The following GPATCH2 variants were observed in gnomAD, a reference collection of about 807,000 sequenced individuals.
GPATCH2 encodes G patch domain-containing protein 2.
GPATCH2 carries 51 observed loss-of-function variants against 58.0 expected under a neutral mutation model. The ratio of observed to expected loss-of-function variants is 0.88; its 90% CI spans 0.70 to 1.11. The LOEUF (loss-of-function observed/expected upper bound fraction) is 1.11, where lower values mean the gene tolerates loss of function less well. Among genes scored for constraint, GPATCH2 ranks in the 50% most tolerant of loss-of-function variants. The pLI is 0.00. For synonymous variants in GPATCH2, 222 were observed against 218.5 expected (o/e 1.02, Z -0.14); for missense variants, 625 against 652.2 (o/e 0.96, Z 0.45).
rs142760502 is a variant in GPATCH2 at position 217,563,143 on chromosome 1, C to T, written c.1098+47178G>A. Among the ~76,000 whole-genome samples, 1,137 of 152,318 alleles carry T rather than the reference C, an allele frequency of 7.5e-3. 6 individuals carry two copies. The highest frequency in any genetic ancestry group is 0.011 in the Non-Finnish European group (758 of 68,028). On this transcript the variant is annotated intron_variant, in intron 5 of 9. Transcript: ENST00000366935. ...ATCCGTTCCTACTAGCCTAGCTTAA[C>T]ATCCCTAGCTTGAATTCCTTTGCAG... is the stretch of plus-strand genomic sequence containing the variant.
At chr1:217,436,938 G>A (rs969329330) in intron 9 of GPATCH2, among the ~76,000 whole-genome samples, 17 of 152,182 alleles carry the variant, frequency 1.1e-4, no homozygotes, top group Middle Eastern at 3.4e-3. Context: ...GGGAGTTGCC[G>A]GCAAGATGGC....
intron 5 of GPATCH2, among the ~76,000 whole-genome samples, chr1:217,572,878 G>C (rs1189038117): frequency 6.6e-6 from 1 of 152,200 alleles, no homozygotes; most frequent in Non-Finnish European, 1.5e-5. Context: ...AGGGTTAATA[G>C]TGAAAATATA....
intron 5 of GPATCH2, among the ~76,000 whole-genome samples, chr1:217,574,397 G>A (rs997796023): frequency 6.6e-6 from 1 of 152,070 alleles, no homozygotes; most frequent in Non-Finnish European, 1.5e-5. Flanking sequence ...AGTTGACTAG[G>A]AATCTCCTAG....
At chr1:217,481,852 C>T (rs1183613189) in intron 8 of GPATCH2, among the ~76,000 whole-genome samples, 1 of 151,950 alleles carries the variant, frequency 6.6e-6, no homozygotes, top group Non-Finnish European at 1.5e-5. Flanking sequence ...CAGAGTGAGA[C>T]CCTGCCTCAA....
At chr1:217,606,878 C>CA (rs1431890289) in intron 5 of GPATCH2, among the ~76,000 whole-genome samples, 1 of 152,040 alleles carries the variant, frequency 6.6e-6, no homozygotes, top group Non-Finnish European at 1.5e-5. Context: ...ATATATTATG[C>CA]ACCAGAGATG....
intron 5 of GPATCH2, among the ~76,000 whole-genome samples, chr1:217,571,876 G>T (rs545751195): frequency 7.5e-4 from 113 of 151,450 alleles, no homozygotes; most frequent in Non-Finnish European, 1.0e-3. Context: ...ACTCCAGCCT[G>T]GGCCACAAGA....
At chr1:217,448,891 T>G (rs1461748405) in intron 9 of GPATCH2, among the ~76,000 whole-genome samples, 1 of 152,210 alleles carries the variant, frequency 6.6e-6, no homozygotes, top group Non-Finnish European at 1.5e-5. Flanking sequence ...CTTTTTGAAT[T>G]TATTACTATT....
chr1:217,592,316 T>C (rs1030735118), intron 5 of GPATCH2, among the ~76,000 whole-genome samples: 1 of 152,020 alleles, frequency 6.6e-6, no homozygotes, highest in Non-Finnish European at 1.5e-5. Flanking sequence ...TCAAAAAGTA[T>C]AGGCTTAACA....
chr1:217,514,987 A>G (rs548127747), intron 5 of GPATCH2, 98 bp from the exon 6 acceptor site: 1 of 678,238 alleles, frequency 1.5e-6, no homozygotes, highest in Non-Finnish European at 2.7e-6. Context: ...TCACTCTAAA[A>G]TGGAGAATAC....
chr1:217,562,222 G>T (rs1665964622), intron 5 of GPATCH2, among the ~76,000 whole-genome samples: 1 of 152,120 alleles, frequency 6.6e-6, no homozygotes. Flanking sequence ...ACAGCATTGG[G>T]TTTATTAACT....
intron 5 of GPATCH2, among the ~76,000 whole-genome samples, chr1:217,579,127 C>T (rs532830893): frequency 3.7e-4 from 57 of 152,062 alleles, no homozygotes; most frequent in Admixed American, 5.2e-4. Context: ...AAAGGTGTAA[C>T]GCACCTAAAC....
intron 5 of GPATCH2, among the ~76,000 whole-genome samples, chr1:217,532,139 A>G (rs1377717739): frequency 6.6e-6 from 1 of 152,218 alleles, no homozygotes; most frequent in Admixed American, 6.5e-5. Context: ...AGCAACTCCA[A>G]GTGCAGGGGT....
At chr1:217,551,412 C>T (rs1438617865) in intron 5 of GPATCH2, among the ~76,000 whole-genome samples, 1 of 152,072 alleles carries the variant, frequency 6.6e-6, no homozygotes, top group Admixed American at 6.6e-5. Context: ...TAACAAAGAC[C>T]TACAGAATCA....
intron 8 of GPATCH2, among the ~76,000 whole-genome samples, chr1:217,475,964 A>G (rs1660949104): frequency 6.6e-6 from 1 of 152,152 alleles, no homozygotes; most frequent in African/African-American, 2.4e-5. Flanking sequence ...GCAGGTCCAG[A>G]AAGCAAACAG....
chr1:217,557,383 T>C (rs933966818), intron 5 of GPATCH2, among the ~76,000 whole-genome samples: 10 of 131,944 alleles, frequency 7.6e-5, no homozygotes, highest in African/African-American at 2.9e-4. Flanking sequence ...TACTCCAGCC[T>C]GGGCAACAAG....
Position 217,631,082 on chromosome 1 carries a change from G to A in GPATCH2, c.-111C>T, listed in dbSNP as rs546939196. The A allele has an allele frequency of 2.3e-5, 24 of 1,063,108 alleles. 1 individual carries two copies. The South Asian group carries it at 3.2e-4, about 14-fold the overall frequency. The allele number at this position is 1,063,108 out of a possible 1,614,324, so 65.9% of individuals were successfully genotyped here. ...TTCAGCATTTTGAGATGAGCTTCCG[G>A]AAGCCGACAGGCGGCGGAAACCGGA... is the stretch of plus-strand genomic sequence containing the variant. On this transcript the variant is annotated 5_prime_UTR_variant, in exon 1 of 10. Coordinates refer to ENST00000366935, the MANE Select transcript of GPATCH2 (RefSeq NM_018040.5).
intron 5 of GPATCH2, among the ~76,000 whole-genome samples, chr1:217,565,215 C>T (rs1028410913): frequency 1.3e-5 from 2 of 151,986 alleles, no homozygotes; most frequent in African/African-American, 4.8e-5. Flanking sequence ...TCCTTTAGTC[C>T]AACGCTTAAA....
chr1:217,515,244 C>T (rs1663069045), intron 5 of GPATCH2, among the ~76,000 whole-genome samples: 4 of 151,860 alleles, frequency 2.6e-5, no homozygotes, highest in African/African-American at 9.7e-5. Context: ...TACAGGCACC[C>T]GCCACCACGC....
chr1:217,502,567 G>A (rs1662359172), intron 6 of GPATCH2, among the ~76,000 whole-genome samples: 1 of 152,002 alleles, frequency 6.6e-6, no homozygotes, highest in East Asian at 1.9e-4. Context: ...TAAATTATCT[G>A]TCTATGGCAT....
Sources: gnomAD v4.1 joint callset for allele counts (sites outside exome capture counted in the v4.1 genomes callset) on GRCh38, gnomAD v4.1.1 for gene constraint, MANE v1.5 for transcripts, NCBI Gene and HGNC (gene_info 2026-07-23, HGNC 2026-07-21) for gene names.